The following CNTN5 variants were observed in gnomAD, a reference collection of about 807,000 sequenced individuals.
The protein encoded by CNTN5 is contactin-5.
A neutral mutation model predicts 129.1 loss-of-function variants in CNTN5; 77 were observed. That is an observed-to-expected ratio of 0.60 (90% CI 0.50 to 0.72). CNTN5 has a LOEUF of 0.72. CNTN5 is among the 30% of genes least tolerant of loss of function. CNTN5 has a pLI of 0.00. For missense variants in CNTN5, 1,478 were observed against 1,328.8 expected (o/e 1.11, Z -1.75); for synonymous variants, 509 against 465.6 (o/e 1.09, Z -1.20).
chr11:99,986,951 T>C (rs1339757191), intron 8 of CNTN5, among the ~76,000 whole-genome samples: 1 of 152,154 alleles, frequency 6.6e-6, no homozygotes, highest in African/African-American at 2.4e-5. Context: ...TGCGGAGAAA[T>C]GGAGAGAACA....
At chr11:99,529,394 C>G (rs1489774441) in intron 2 of CNTN5, among the ~76,000 whole-genome samples, 1 of 152,198 alleles carries the variant, frequency 6.6e-6, no homozygotes, top group Non-Finnish European at 1.5e-5. Context: ...TCCTCTTAAA[C>G]CATACTTCAT....
At chr11:99,452,600 C>A (rs1475401872) in intron 2 of CNTN5, among the ~76,000 whole-genome samples, 1 of 151,970 alleles carries the variant, frequency 6.6e-6, no homozygotes, top group Admixed American at 6.6e-5. Flanking sequence ...TCTTGATCTC[C>A]TGACCTTGTG....
At chr11:99,525,561 G>T (rs1186205536) in intron 2 of CNTN5, among the ~76,000 whole-genome samples, 1 of 152,224 alleles carries the variant, frequency 6.6e-6, no homozygotes, top group Admixed American at 6.5e-5. Flanking sequence ...ATGATAGATG[G>T]ACTTGTTTGG....
intron 1 of CNTN5, among the ~76,000 whole-genome samples, chr11:99,045,855 C>T (rs891675540): frequency 3.9e-5 from 6 of 152,080 alleles, no homozygotes; most frequent in Admixed American, 2.6e-4. Context: ...ACTACTCTGC[C>T]GTAGGTGAGT....
intron 2 of CNTN5, among the ~76,000 whole-genome samples, chr11:99,439,256 G>A (rs1943718720): frequency 6.6e-6 from 1 of 151,966 alleles, no homozygotes. Context: ...CAGGAGGCAT[G>A]TTAATGAGCT....
At chr11:99,943,294 A>G (rs1418396280) in intron 7 of CNTN5, among the ~76,000 whole-genome samples, 2 of 152,056 alleles carry the variant, frequency 1.3e-5, no homozygotes, top group East Asian at 3.9e-4. Context: ...CAGTGATGAT[A>G]GGCTTTTTTT....
chr11:99,614,216 T>C (rs1057443814), intron 3 of CNTN5, among the ~76,000 whole-genome samples: 3 of 152,366 alleles, frequency 2.0e-5, no homozygotes, highest in Admixed American at 1.3e-4. Flanking sequence ...GTTTTTACTA[T>C]ATCAATTCCA....
intron 2 of CNTN5, among the ~76,000 whole-genome samples, chr11:99,409,333 T>A (rs984135030): frequency 6.6e-6 from 1 of 152,054 alleles, no homozygotes; most frequent in African/African-American, 2.4e-5. Flanking sequence ...CCAGGCATGG[T>A]GGCAGGCGCC....
At chr11:100,302,353 A>G (rs1395114215) in intron 20 of CNTN5, among the ~76,000 whole-genome samples, 1 of 151,510 alleles carries the variant, frequency 6.6e-6, no homozygotes, top group Non-Finnish European at 1.5e-5. Flanking sequence ...TTATCATTAT[A>G]CTCTTGCCCA....
intron 8 of CNTN5, among the ~76,000 whole-genome samples, chr11:99,974,394 T>G (rs984449814): frequency 2.0e-5 from 3 of 152,226 alleles, no homozygotes; most frequent in Non-Finnish European, 2.9e-5. Flanking sequence ...TTTTATCTAC[T>G]GTATCATCCT....
intron 6 of CNTN5, among the ~76,000 whole-genome samples, chr11:99,899,863 C>T (rs1021151398): frequency 6.6e-6 from 1 of 151,756 alleles, no homozygotes; most frequent in African/African-American, 2.4e-5. Context: ...TGGTACTAGG[C>T]TTTCTTTTTG....
At chr11:100,061,421 C>T (rs1315466741) in intron 10 of CNTN5, 28 bp downstream of exon 10, 4 of 1,477,242 alleles carry the variant, frequency 2.7e-6, no homozygotes, top group African/African-American at 1.4e-5. Context: ...AGCATGATTG[C>T]TCTAGTCCCA....
chr11:100,266,364 C>A (rs1950303104), intron 17 of CNTN5, among the ~76,000 whole-genome samples: 1 of 152,006 alleles, frequency 6.6e-6, no homozygotes, highest in African/African-American at 2.4e-5. Flanking sequence ...TTCTTTGAAA[C>A]CAAGTTGTCC....
intron 6 of CNTN5, among the ~76,000 whole-genome samples, chr11:99,864,328 G>T (rs1485598615): frequency 6.6e-6 from 1 of 151,878 alleles, no homozygotes; most frequent in Non-Finnish European, 1.5e-5. Context: ...CTCCCTTTCT[G>T]TGCCTTCTCT....
At chr11:99,421,559 C>T (rs559492844) in intron 2 of CNTN5, among the ~76,000 whole-genome samples, 1 of 152,212 alleles carries the variant, frequency 6.6e-6, no homozygotes, top group East Asian at 1.9e-4. Context: ...TTTTAATGGG[C>T]TTTATGTAGC....
intron 1 of CNTN5, among the ~76,000 whole-genome samples, chr11:99,258,110 C>T (rs1254654557): frequency 6.6e-6 from 1 of 152,020 alleles, no homozygotes. Flanking sequence ...TCTCAAATGT[C>T]CCGTGTTTAT....
chr11:99,183,622 A>G (rs66827064), intron 1 of CNTN5, among the ~76,000 whole-genome samples: 33,150 of 151,762 alleles, frequency 0.22, 3,727 homozygotes, highest in Middle Eastern at 0.27. Context: ...ATGACCCCTA[A>G]AGTGCTGGTA....
At chr11:99,835,210 G>A (rs76657277) in intron 4 of CNTN5, among the ~76,000 whole-genome samples, 1,831 of 152,298 alleles carry the variant, frequency 0.012, 97 homozygotes, top group Admixed American at 0.086. Context: ...TGACGCATAT[G>A]TTCAAAAAGG....
chr11:100,234,361 A>C (rs1949556822), intron 16 of CNTN5, among the ~76,000 whole-genome samples: 1 of 152,182 alleles, frequency 6.6e-6, no homozygotes, highest in Non-Finnish European at 1.5e-5. Flanking sequence ...TTATTGCAGC[A>C]CTAGTCACAA....
Sources: gnomAD v4.1 joint callset for allele counts (sites outside exome capture counted in the v4.1 genomes callset) on GRCh38, gnomAD v4.1.1 for gene constraint, MANE v1.5 for transcripts, NCBI Gene and HGNC (gene_info 2026-07-23, HGNC 2026-07-21) for gene names.